The following LINGO2 variants were observed in gnomAD, a reference collection of about 807,000 sequenced individuals.
LINGO2 encodes the protein leucine rich repeat and Ig domain containing 2.
Under a neutral mutation model 30.6 loss-of-function variants are expected in LINGO2, and 14 were observed. That is an observed-to-expected ratio of 0.46 (90% CI 0.30 to 0.72). The LOEUF (loss-of-function observed/expected upper bound fraction) is 0.72, where lower values mean the gene tolerates loss of function less well. LINGO2 is among the 30% of genes least tolerant of loss of function. The probability of loss-of-function intolerance (pLI) is 0.07; values close to 1 mark genes in which losing one functional copy is unlikely to be tolerated. For synonymous variants in LINGO2, 317 were observed against 288.5 expected (o/e 1.10, Z -1.00); for missense variants, 729 against 751.7 (o/e 0.97, Z 0.35).
intron 4 of LINGO2, among the ~76,000 whole-genome samples, chr9:28,020,825 G>T (rs915204105): frequency 6.6e-6 from 1 of 152,128 alleles, no homozygotes; most frequent in African/African-American, 2.4e-5. Flanking sequence ...TGCAGGAATA[G>T]TTGCTTGTAG....
At chr9:28,627,465 G>A (rs11999035) in intron 1 of LINGO2, among the ~76,000 whole-genome samples, 14,997 of 151,948 alleles carry the variant, frequency 0.099, 1,035 homozygotes, top group Admixed American at 0.24. Flanking sequence ...ATGCTTCAAT[G>A]TCTGTTTTCT....
intron 4 of LINGO2, among the ~76,000 whole-genome samples, chr9:28,177,663 A>G (rs1230122663): frequency 6.6e-6 from 1 of 152,178 alleles, no homozygotes; most frequent in Non-Finnish European, 1.5e-5. Flanking sequence ...GTGGAAATAT[A>G]AAAAGGAGCA....
At chr9:28,937,913 A>AT in the LINGO2 span, among the ~76,000 whole-genome samples, 1 of 151,888 alleles carries the variant, frequency 6.6e-6, no homozygotes, top group East Asian at 1.9e-4. Context: ...CCCACTGGTT[A>AT]TTTTTTCTGA....
chr9:28,226,223 G>C (rs1821138143), intron 4 of LINGO2, among the ~76,000 whole-genome samples: 1 of 152,080 alleles, frequency 6.6e-6, no homozygotes, highest in Admixed American at 6.6e-5. Flanking sequence ...AATAGTACGA[G>C]AGTGGTTGTT....
chr9:28,881,005 A>C, the LINGO2 span, among the ~76,000 whole-genome samples: 1 of 152,068 alleles, frequency 6.6e-6, no homozygotes, highest in Admixed American at 6.6e-5. Flanking sequence ...CTCCGACTAC[A>C]TTCCTTTCTG....
intron 1 of LINGO2, among the ~76,000 whole-genome samples, chr9:28,566,462 G>C (rs1004189871): frequency 9.2e-5 from 14 of 152,166 alleles, no homozygotes; most frequent in African/African-American, 3.4e-4. Context: ...TGAAGCAAAA[G>C]CTTTTCAACT....
chr9:28,054,717 T>G (rs1824838981), intron 4 of LINGO2, among the ~76,000 whole-genome samples: 1 of 152,134 alleles, frequency 6.6e-6, no homozygotes, highest in Non-Finnish European at 1.5e-5. Context: ...TAAGTTTAAG[T>G]TAAAAACCCA....
chr9:28,539,807 C>G lies in LINGO2; in HGVS notation c.-364-63782G>C, dbSNP rs1336170763. Among the ~76,000 whole-genome samples the G allele has an allele frequency of 3.3e-5, 5 of 152,170 alleles. No homozygotes were observed. The East Asian group carries it at 9.6e-4, about 29-fold the overall frequency. ...AGTGTGATCATGTTGCTGTCTCCTCCACATTCTTCAGTAGCATCTGGTAAG... is the reference window on the plus strand; with the variant it reads ...AGTGTGATCATGTTGCTGTCTCCTCGACATTCTTCAGTAGCATCTGGTAAG... On this transcript the variant is annotated intron_variant, in intron 1 of 5. Coordinates refer to ENST00000379992, the Ensembl canonical transcript of LINGO2.
At chr9:28,445,636 C>T (rs1824394830) in intron 2 of LINGO2, among the ~76,000 whole-genome samples, 1 of 152,094 alleles carries the variant, frequency 6.6e-6, no homozygotes, top group Admixed American at 6.5e-5. Context: ...TATGCAATTA[C>T]ACTTAAAAGT....
the LINGO2 span, among the ~76,000 whole-genome samples, chr9:28,983,785 A>C: frequency 6.6e-6 from 1 of 151,810 alleles, no homozygotes; most frequent in Non-Finnish European, 1.5e-5. Flanking sequence ...AAAGGGTTTC[A>C]CTCTTATTTA....
intron 4 of LINGO2, among the ~76,000 whole-genome samples, chr9:28,158,450 C>T (rs1828196050): frequency 6.6e-6 from 1 of 152,154 alleles, no homozygotes; most frequent in Non-Finnish European, 1.5e-5. Flanking sequence ...AAGGTGGGCT[C>T]TTAAAGTTGG....
chr9:28,087,046 A>G (rs879644476), intron 4 of LINGO2, among the ~76,000 whole-genome samples: 2 of 152,080 alleles, frequency 1.3e-5, no homozygotes, highest in Non-Finnish European at 2.9e-5. Context: ...CATGCTTCTA[A>G]TCACTCTCTG....
At chr9:28,684,977 C>A in the LINGO2 span, among the ~76,000 whole-genome samples, 1,231 of 152,178 alleles carry the variant, frequency 8.1e-3, 23 homozygotes, top group African/African-American at 0.028. Flanking sequence ...TCCTCTTCCT[C>A]CTCTCAACCT....
the LINGO2 span, among the ~76,000 whole-genome samples, chr9:28,964,637 A>G: frequency 6.6e-6 from 1 of 151,956 alleles, no homozygotes; most frequent in African/African-American, 2.4e-5. Context: ...AGACAAGGTA[A>G]CCAGAAAGGC....
chr9:28,242,767 C>T (rs1015947341), intron 4 of LINGO2, among the ~76,000 whole-genome samples: 35 of 152,160 alleles, frequency 2.3e-4, no homozygotes, highest in African/African-American at 7.5e-4. Context: ...AGATTAACAG[C>T]AGACCTCTCA....
chr9:28,238,104 C>T (rs1367843497), intron 4 of LINGO2, among the ~76,000 whole-genome samples: 1 of 151,734 alleles, frequency 6.6e-6, no homozygotes, highest in East Asian at 1.9e-4. Context: ...ATATATGCAT[C>T]CAACACTGCA....
the LINGO2 span, among the ~76,000 whole-genome samples, chr9:29,210,745 A>T: frequency 6.6e-6 from 1 of 152,224 alleles, no homozygotes; most frequent in Non-Finnish European, 1.5e-5. Context: ...AAAATAATAG[A>T]TGCCTTACAT....
intron 4 of LINGO2, among the ~76,000 whole-genome samples, chr9:28,032,369 A>AT (rs935830024): frequency 1.3e-5 from 2 of 152,172 alleles, no homozygotes; most frequent in African/African-American, 4.8e-5. Flanking sequence ...AGGAATGCTG[A>AT]TCACAGATGG....
In LINGO2 at chr9:28,550,900, T is replaced by C. The variant is rs77109645; in HGVS notation, c.-364-74875A>G. 1.8e-3 allele frequency among the ~76,000 whole-genome samples: 273 copies of C among 151,960 alleles called. 1 individual carries two copies. Among genetic ancestry groups the C allele is most frequent in the African/African-American group, 6.2e-3 (259 of 41,556 alleles). On this transcript the variant is annotated intron_variant, in intron 1 of 5. Transcript: ENST00000379992. ...TATTTTGGATTACATATTCCTATGG[T>C]GAAAATTTAAATATGTACAAAAGAA... is the stretch of plus-strand genomic sequence containing the variant.
Sources: gnomAD v4.1 joint callset for allele counts (sites outside exome capture counted in the v4.1 genomes callset) on GRCh38, gnomAD v4.1.1 for gene constraint, MANE v1.5 for transcripts, NCBI Gene and HGNC (gene_info 2026-07-23, HGNC 2026-07-21) for gene names.